The following NTSR1 variants were observed in gnomAD, a reference collection of about 807,000 sequenced individuals.
NTSR1 encodes the protein neurotensin receptor 1.
In NTSR1, 29 loss-of-function variants were observed where a neutral mutation model predicts 31.2. That is an observed-to-expected ratio of 0.93 (90% CI 0.69 to 1.27). The LOEUF (loss-of-function observed/expected upper bound fraction) is 1.27. Among genes scored for constraint, NTSR1 ranks in the 50% most tolerant of loss-of-function variants. The pLI is 0.00. For synonymous variants in NTSR1, 282 were observed against 269.9 expected, an observed-to-expected ratio of 1.04 and a Z score of -0.44; for missense variants, 697 against 595.4, an observed-to-expected ratio of 1.17 and a Z score of -1.78.
rs1374479297 is a variant in NTSR1 at position 62,731,492 on chromosome 20, T to A, written c.714+21571T>A. ...TGCCAAACCCAAGATACCTAGATTTTATACCCAAGATACCTAGATTTTATT... is the reference window on the plus strand; with the variant it reads ...TGCCAAACCCAAGATACCTAGATTTAATACCCAAGATACCTAGATTTTATT... On this transcript the variant is annotated intron_variant, in intron 1 of 3. Transcript: ENST00000370501. Among the ~76,000 whole-genome samples the A allele has an allele frequency of 2.6e-5, 4 of 152,244 alleles. 1 individual carries two copies. In the South Asian group the frequency reaches 8.3e-4, roughly 32 times the overall value.
chr20:62,709,264 C>T lies in NTSR1; in HGVS notation c.57C>T (p.Phe19=). 2 of 1,551,044 alleles carry T rather than the reference C, an allele frequency of 1.3e-6. No homozygotes were observed. The highest frequency in any genetic ancestry group is 1.7e-6 in the Non-Finnish European group (2 of 1,154,466). ...GTPGTPAADP[F]QRAQAGLEEA... ...CGGGCACGCCGGCCGCCGACCCCTT[C>T]CAGCGGGCGCAGGCCGGACTGGAGG... The change falls in exon 1 of 4, where the codon TTC becomes TTT. Residue 19 remains phenylalanine (F), a synonymous_variant. Coordinates refer to ENST00000370501, the MANE Select transcript of NTSR1 (RefSeq NM_002531.3).
Position 62,743,334 on chromosome 20 carries a change from T to C in NTSR1, c.715-11351T>C, listed in dbSNP as rs866125408. Reference sequence around the variant, plus strand: ...TGGCACACAGGGTTTCTGAATTAACTCTGCCATCGTTCCTGGCCTCAGCTG... The same window carrying C: ...TGGCACACAGGGTTTCTGAATTAACCCTGCCATCGTTCCTGGCCTCAGCTG... On this transcript the variant is annotated intron_variant, in intron 1 of 3. Coordinates refer to ENST00000370501, the MANE Select transcript of NTSR1 (RefSeq NM_002531.3). This position sits in a 1 kb window ranked among gnomAD's most constrained non-coding sequence, Gnocchi z 7.5. Among the ~76,000 whole-genome samples, 46 of 137,076 alleles carry C rather than the reference T, an allele frequency of 3.4e-4. 2 individuals are homozygous for C. The highest frequency in any genetic ancestry group is 1.4e-3 in the African/African-American group (45 of 32,950). The allele number at this position is 137,076 out of a possible 152,430, so 89.9% of individuals were successfully genotyped here.
At position 62,746,348 on chromosome 20, in the gene NTSR1, C is replaced by T. The variant is rs78271794; in HGVS notation, c.715-8337C>T. On this transcript the variant is annotated intron_variant, in intron 1 of 3. Coordinates refer to ENST00000370501, the MANE Select transcript of NTSR1 (RefSeq NM_002531.3). ...CTTCCCGGAACCCCCAGCACTACTG[C>T]AGCCAGGCTGCCGCCAGCATCGCTG... Among the ~76,000 whole-genome samples the T allele has an allele frequency of 9.7e-3, 1,484 of 152,306 alleles. 64 individuals carry two copies. The East Asian group carries it at 0.13, about 14-fold the overall frequency.
chr20:62,754,748 G>A lies in NTSR1; in HGVS notation c.778G>A (p.Ala260Thr), dbSNP rs201598535. Residue 260 changes from alanine (A) to threonine (T), a missense_variant, in exon 2 of 4, where the codon GCC (alanine) becomes ACC (threonine). Physicochemically the swap from Ala to Thr is moderately conservative, Grantham distance 58. Transcript: ENST00000370501. ...VVISVLNTII[A>T]NKLTVMVRQA... ...CATCTCGGTCCTGAACACCATCATC[G>A]CCAACAAGCTGACCGTCATGGTACG... The A allele has an allele frequency of 5.8e-4, 930 of 1,612,690 alleles. 2 individuals are homozygous for A. Among genetic ancestry groups the A allele is most frequent in the Non-Finnish European group, 7.1e-4 (838 of 1,179,784 alleles).
chr20:62,715,488 G>T lies in NTSR1; in HGVS notation c.714+5567G>T. Among the ~76,000 whole-genome samples the T allele has an allele frequency of 6.6e-6, 1 of 152,244 alleles. No individual in the cohort carries two copies. The highest frequency in any genetic ancestry group is 1.5e-5 in the Non-Finnish European group (1 of 68,044). ...CCGTGGGGACAACGGTCAGGCTTTTGAGTGAGATGGGCAAGGGTGGGAACG... is the reference window on the plus strand; with the variant it reads ...CCGTGGGGACAACGGTCAGGCTTTTTAGTGAGATGGGCAAGGGTGGGAACG... On this transcript the variant is annotated intron_variant, in intron 1 of 3. Transcript: ENST00000370501. This position sits in a 1 kb window ranked among gnomAD's most constrained non-coding sequence, Gnocchi z 4.7.
intron 1 of NTSR1, among the ~76,000 whole-genome samples, chr20:62,754,449 A>T (rs937420918): frequency 6.6e-6 from 1 of 152,136 alleles, no homozygotes; most frequent in African/African-American, 2.4e-5. Flanking sequence ...GAGTCTGCAA[A>T]CTTCTTCCCA....
intron 1 of NTSR1, among the ~76,000 whole-genome samples, chr20:62,710,622 CTG>C (rs1988590192): frequency 6.6e-6 from 1 of 152,100 alleles, no homozygotes; most frequent in Non-Finnish European, 1.5e-5. Context: ...GTGTGTAAAA[CTG>C]GAGCCGAGTG....
rs1348389576 is a variant in NTSR1, at chr20:62,758,526, T to C, written c.1007+170T>C. 6.6e-6 allele frequency among the ~76,000 whole-genome samples: 1 copy of C among 151,970 alleles called. No homozygotes were observed. The highest frequency in any genetic ancestry group is 1.9e-4 in the East Asian group (1 of 5,180). On this transcript the variant is annotated intron_variant, in intron 3 of 3. Coordinates refer to ENST00000370501, the MANE Select transcript of NTSR1 (RefSeq NM_002531.3). This position sits in a 1 kb window ranked among gnomAD's most constrained non-coding sequence, Gnocchi z 4.5. ...TGTGACTGGGGCCGGGAGAAGGCCA[T>C]GGAGGGACAGGTTCAAGGCAGGGGC...
intron 1 of NTSR1, among the ~76,000 whole-genome samples, chr20:62,717,053 C>T (rs1988741774): frequency 1.3e-5 from 2 of 152,246 alleles, no homozygotes; most frequent in African/African-American, 4.8e-5. Context: ...CCGGGCTCTG[C>T]AGCGTCAATG....
intron 1 of NTSR1, among the ~76,000 whole-genome samples, chr20:62,753,154 G>A (rs1179193892): frequency 6.6e-6 from 1 of 152,218 alleles, no homozygotes; most frequent in Admixed American, 6.5e-5. Context: ...CCTTCCTGAA[G>A]GCCTCTGAGT....
chr20:62,731,856 C>T (rs1394435832), intron 1 of NTSR1, among the ~76,000 whole-genome samples: 6 of 152,218 alleles, frequency 3.9e-5, no homozygotes, highest in Non-Finnish European at 8.8e-5. Context: ...TGGTGGCTCA[C>T]GCCTGTAATC....
chr20:62,709,012 G>GCGGAGCC lies in NTSR1; in HGVS notation c.-178_-172dup, dbSNP rs938255705. On this transcript the variant is annotated 5_prime_UTR_variant, in exon 1 of 4. Coordinates refer to ENST00000370501, the MANE Select transcript of NTSR1 (RefSeq NM_002531.3). ...CCGGAAGCTGGGAGTCCGGAGGAGA[G>GCGGAGCC]CGGAGCCCGGAGCCCGGAGCCCGGG... 44 of 462,176 alleles carry GCGGAGCC rather than the reference G, an allele frequency of 9.5e-5. No homozygotes were observed. Among genetic ancestry groups the GCGGAGCC allele is most frequent in the East Asian group, 2.9e-4 (8 of 27,600 alleles). The allele number at this position is 462,176 out of a possible 1,614,324, so 28.6% of individuals were successfully genotyped here. A position where few individuals can be genotyped will look rare whatever the true frequency, so the allele number is the denominator to read the frequency against.
chr20:62,755,175 TCCACCCCTCCCTCCTCCCTTCATCC>T, intron 2 of NTSR1, among the ~76,000 whole-genome samples: 1 of 101,774 alleles, frequency 9.8e-6, no homozygotes, highest in Middle Eastern at 6.7e-3. Flanking sequence ...CTTCTATCCC[TCCACCCCTCCCTCCTCCCTTCATCC>T]CTCCCTCCAT....
At position 62,762,741 on chromosome 20, in the gene NTSR1, A is replaced by C. The variant is rs377155224; in HGVS notation, c.*2474A>C. ...TGAAAACAAACCCCGTGTATCTCTC[A>C]ATAAAGGTGGCCGAAGGGCCTCGAT... On this transcript the variant is annotated 3_prime_UTR_variant, in exon 4 of 4. Transcript: ENST00000370501. The C allele has an allele frequency of 1.1e-4, 16 of 152,126 alleles. No individual in the cohort carries two copies. The highest frequency in any genetic ancestry group is 5.9e-4 in the Admixed American group (9 of 15,270). 9.4% of individuals were successfully genotyped at this position (152,126 alleles called of 1,614,324 possible). A position where few individuals can be genotyped will look rare whatever the true frequency, so the allele number is the denominator to read the frequency against.
At chr20:62,712,693 G>A (rs1215418913) in intron 1 of NTSR1, among the ~76,000 whole-genome samples, 1 of 152,176 alleles carries the variant, frequency 6.6e-6, no homozygotes, top group Non-Finnish European at 1.5e-5. Flanking sequence ...AGGGACCTAC[G>A]GGTGCCCCTG....
At position 62,715,071 on chromosome 20, in the gene NTSR1, C is replaced by A. The variant is rs1988688276; in HGVS notation, c.714+5150C>A. 1.3e-5 allele frequency among the ~76,000 whole-genome samples: 2 copies of A among 152,258 alleles called. No individual in the cohort carries two copies. The highest frequency in any genetic ancestry group is 2.1e-4 in the South Asian group (1 of 4,818). ...ACAAGATTGGTCTTAAGTCTGTAAT[C>A]ATGGAAAGTGAGTGTTGATGACATT... On this transcript the variant is annotated intron_variant, in intron 1 of 3. Transcript: ENST00000370501. The surrounding 1 kb of genome is among the most constrained non-coding windows in gnomAD (Gnocchi z 4.7).
chr20:62,746,877 G>A lies in NTSR1; in HGVS notation c.715-7808G>A, dbSNP rs993316408. On this transcript the variant is annotated intron_variant, in intron 1 of 3. Transcript: ENST00000370501. ...TTAACACCAGTCCTTATACAATTCC[G>A]AAAATGTGAAGAGGAAGGAACACTT... 4.7e-4 allele frequency among the ~76,000 whole-genome samples: 72 copies of A among 152,302 alleles called. No homozygotes were observed. The Middle Eastern group carries it at 0.01, about 22-fold the overall frequency.
rs1342504104 is a variant in NTSR1, at chr20:62,721,197, T to A, written c.714+11276T>A. Among the ~76,000 whole-genome samples the A allele has an allele frequency of 2.0e-5, 3 of 152,190 alleles. No homozygotes were observed. In the East Asian group the frequency reaches 5.8e-4, roughly 29 times the overall value. ...TTTTATTGGTTCTTTTAATATAGTT[T>A]CTTTTTGTCTTTTAAGAACTTTCAT... On this transcript the variant is annotated intron_variant, in intron 1 of 3. Coordinates refer to ENST00000370501, the MANE Select transcript of NTSR1 (RefSeq NM_002531.3).
chr20:62,760,642 G>A lies in NTSR1; in HGVS notation c.*375G>A, dbSNP rs1568714137. The stretch of plus-strand genomic sequence containing the variant: ...AAATGAAAGGTGCTGGGTGGGGCCG[G>A]GCCTCCGGCGGCCCGGCTGCTGTTC... On this transcript the variant is annotated 3_prime_UTR_variant, in exon 4 of 4. Coordinates refer to ENST00000370501, the MANE Select transcript of NTSR1 (RefSeq NM_002531.3). 1 of 184,362 alleles carries A rather than the reference G, an allele frequency of 5.4e-6. No homozygotes were observed. Among genetic ancestry groups the A allele is most frequent in the Non-Finnish European group, 1.1e-5 (1 of 87,438 alleles). The allele number at this position is 184,362 out of a possible 1,614,324, so 11.4% of individuals were successfully genotyped here. A position where few individuals can be genotyped will look rare whatever the true frequency, so the allele number is the denominator to read the frequency against.
Sources: allele counts gnomAD v4.1 joint callset (sites outside exome capture counted in the v4.1 genomes callset), GRCh38; gene constraint gnomAD v4.1.1; non-coding constraint Gnocchi (gnomAD v3.1); transcripts MANE v1.5; gene names NCBI Gene and HGNC (gene_info 2026-07-23, HGNC 2026-07-21).